Variants in ERC2 observed in about 807,000 individuals in gnomAD.
ERC2 encodes ELKS/RAB6-interacting/CAST family member 2.
ERC2 carries 42 observed loss-of-function variants against 114.8 expected under a neutral mutation model. That is an observed-to-expected ratio of 0.37 (90% CI 0.29 to 0.47). The LOEUF (loss-of-function observed/expected upper bound fraction) is 0.47. ERC2 is among the 20% of genes least tolerant of loss of function. ERC2 has a pLI of 0.99. For synonymous variants in ERC2, 454 were observed against 425.5 expected (o/e 1.07, Z -0.82); for missense variants, 939 against 1,150.7 (o/e 0.82, Z 2.66).
intron 12 of ERC2, among the ~76,000 whole-genome samples, chr3:55,952,198 CTATA>C (rs139081238): frequency 0.013 from 1,434 of 108,490 alleles, 38 homozygotes; most frequent in African/African-American, 0.041. Flanking sequence ...CTCTCTCTCT[CTATA>C]TATATATATA....
At chr3:56,002,516 A>G (rs2072154159) in intron 10 of ERC2, among the ~76,000 whole-genome samples, 1 of 152,178 alleles carries the variant, frequency 6.6e-6, no homozygotes, top group Non-Finnish European at 1.5e-5. Context: ...AAATATTTTT[A>G]CTAGTTACCT....
chr3:56,424,785 T>G (rs1185935272), intron 2 of ERC2, among the ~76,000 whole-genome samples: 1 of 152,212 alleles, frequency 6.6e-6, no homozygotes, highest in African/African-American at 2.4e-5. Flanking sequence ...TGTTTCAAGA[T>G]GAGAAGATGG....
intron 12 of ERC2, among the ~76,000 whole-genome samples, chr3:55,959,260 G>A (rs934034840): frequency 3.3e-5 from 5 of 152,164 alleles, no homozygotes; most frequent in African/African-American, 7.2e-5. Context: ...TCACTCTGGC[G>A]GAGGTTCTGA....
At chr3:55,912,522 T>A (rs1420467523) in intron 13 of ERC2, among the ~76,000 whole-genome samples, 1 of 152,230 alleles carries the variant, frequency 6.6e-6, no homozygotes, top group Non-Finnish European at 1.5e-5. Context: ...ATATTTACTT[T>A]TATATGAAAA....
chr3:55,961,254 T>C (rs17056290), intron 12 of ERC2, among the ~76,000 whole-genome samples: 43,599 of 151,976 alleles, frequency 0.29, 7,458 homozygotes, highest in Middle Eastern at 0.36. Flanking sequence ...CCAAGCCCTA[T>C]AGTCCTCTGC....
chr3:56,097,907 G>T (rs1264976216), intron 6 of ERC2, among the ~76,000 whole-genome samples: 1 of 152,192 alleles, frequency 6.6e-6, no homozygotes, highest in East Asian at 1.9e-4. Flanking sequence ...GGGAGATACA[G>T]AGAGTATTTT....
intron 2 of ERC2, among the ~76,000 whole-genome samples, chr3:56,309,930 T>C (rs757662949): frequency 3.3e-5 from 5 of 152,242 alleles, no homozygotes; most frequent in Non-Finnish European, 7.4e-5. Flanking sequence ...ATCAAATAAA[T>C]GCAACAGTGG....
chr3:56,186,862 A>G (rs1050561893), intron 3 of ERC2, among the ~76,000 whole-genome samples: 5 of 152,114 alleles, frequency 3.3e-5, no homozygotes, highest in Middle Eastern at 3.2e-3. Context: ...CTTATATGGC[A>G]CGATATCAGG....
At chr3:56,034,486 C>T (rs933400826) in intron 7 of ERC2, among the ~76,000 whole-genome samples, 8 of 152,176 alleles carry the variant, frequency 5.3e-5, no homozygotes, top group African/African-American at 1.7e-4. Flanking sequence ...CCAAGTGGGC[C>T]TAACAGACAT....
At chr3:56,311,231 TTCTCTCTCTC>T (rs370683995) in intron 2 of ERC2, among the ~76,000 whole-genome samples, 2,927 of 94,134 alleles carry the variant, frequency 0.031, 60 homozygotes, top group Admixed American at 0.043. Context: ...ATCCATCATC[TTCTCTCTCTC>T]TCTCTCTCTC....
At chr3:56,039,918 T>G (rs951983054) in intron 7 of ERC2, among the ~76,000 whole-genome samples, 1 of 152,178 alleles carries the variant, frequency 6.6e-6, no homozygotes, top group Admixed American at 6.6e-5. Flanking sequence ...TAATAAATAA[T>G]GTTGGAAAAA....
At chr3:55,744,563 T>A (rs1439311044) in intron 14 of ERC2, among the ~76,000 whole-genome samples, 1 of 152,228 alleles carries the variant, frequency 6.6e-6, no homozygotes, top group Non-Finnish European at 1.5e-5. Context: ...CAGGCTCTGA[T>A]TGGTTGCTTT....
intron 13 of ERC2, among the ~76,000 whole-genome samples, chr3:55,896,564 G>A (rs2063852639): frequency 6.6e-6 from 1 of 152,074 alleles, no homozygotes; most frequent in African/African-American, 2.4e-5. Flanking sequence ...ATATTTCCTG[G>A]GGAAAAAAGT....
At chr3:56,241,543 A>G (rs945058669) in intron 3 of ERC2, among the ~76,000 whole-genome samples, 1 of 152,196 alleles carries the variant, frequency 6.6e-6, no homozygotes, top group African/African-American at 2.4e-5. Context: ...TCTACTACAG[A>G]ATATCAACCC....
intron 1 of ERC2, among the ~76,000 whole-genome samples, chr3:56,468,039 A>C (rs1469928524): frequency 2.6e-5 from 4 of 151,960 alleles, no homozygotes; most frequent in Non-Finnish European, 4.4e-5. Context: ...GGGTTTATAC[A>C]TCAGGGCAAA....
rs2051194949 is a variant in ERC2, at chr3:56,239,630, C to T, written c.1074+56389G>A. Among the ~76,000 whole-genome samples the T allele has an allele frequency of 2.0e-5, 3 of 152,120 alleles. No individual in the cohort carries two copies. The South Asian group carries it at 6.2e-4, about 32-fold the overall frequency. On this transcript the variant is annotated intron_variant, in intron 3 of 17. Transcript: ENST00000288221. ...ACTTGGGAGCATTAACTTAGAAGTA[C>T]CTAGAGATGTCAACTGTGAAATACT...
chr3:56,064,368 G>C (rs957227879), intron 7 of ERC2, among the ~76,000 whole-genome samples: 8 of 152,188 alleles, frequency 5.3e-5, no homozygotes, highest in African/African-American at 1.9e-4. Context: ...GACAGCCTTG[G>C]TGTGTGTATG....
chr3:56,438,708 T>C (rs1204702372), intron 1 of ERC2, among the ~76,000 whole-genome samples: 1 of 152,226 alleles, frequency 6.6e-6, no homozygotes, highest in African/African-American at 2.4e-5. Flanking sequence ...TAACTTGTCT[T>C]CCTCTGTCTG....
intron 17 of ERC2, among the ~76,000 whole-genome samples, chr3:55,660,311 T>TA (rs1461669438): frequency 7.9e-5 from 12 of 152,336 alleles, no homozygotes; most frequent in Admixed American, 7.8e-4. Flanking sequence ...GTCCAAGTTA[T>TA]AAAAATGTCT....
Sources: gnomAD v4.1 joint callset for allele counts (sites outside exome capture counted in the v4.1 genomes callset) on GRCh38, gnomAD v4.1.1 for gene constraint, MANE v1.5 for transcripts, NCBI Gene and HGNC (gene_info 2026-07-23, HGNC 2026-07-21) for gene names.